Variants in CNTNAP2 observed in about 807,000 individuals in gnomAD.
CNTNAP2 encodes the protein contactin associated protein 2.
Under a neutral mutation model 155.2 loss-of-function variants are expected in CNTNAP2, and 98 were observed. The observed-to-expected ratio is 0.63, with a 90% CI of 0.54 to 0.75. The LOEUF (loss-of-function observed/expected upper bound fraction) is 0.75. CNTNAP2 is among the 30% of genes least tolerant of loss of function. The probability of loss-of-function intolerance (pLI) is 0.00; values close to 1 mark genes in which losing one functional copy is unlikely to be tolerated. For synonymous variants in CNTNAP2, 651 were observed against 631.2 expected (o/e 1.03, Z -0.47); for missense variants, 1,727 against 1,688.1 (o/e 1.02, Z -0.40).
intron 11 of CNTNAP2, among the ~76,000 whole-genome samples, chr7:147,559,185 A>G (rs1174816135): frequency 6.6e-6 from 1 of 152,106 alleles, no homozygotes; most frequent in Admixed American, 6.5e-5. Flanking sequence ...CTAATTGTTA[A>G]CTCTGACTGA....
At chr7:146,969,116 C>T (rs1263902513) in intron 3 of CNTNAP2, among the ~76,000 whole-genome samples, 9 of 150,768 alleles carry the variant, frequency 6.0e-5, no homozygotes, top group African/African-American at 1.7e-4. Flanking sequence ...TGTAGTTGAG[C>T]GGTTTTGAGT....
chr7:148,112,060 C>G (rs1483341957), intron 15 of CNTNAP2, among the ~76,000 whole-genome samples: 2 of 152,040 alleles, frequency 1.3e-5, no homozygotes, highest in African/African-American at 4.8e-5. Context: ...CAGGTGGGAA[C>G]AGAGGAAAGA....
chr7:147,085,280 C>T (rs928151155), intron 4 of CNTNAP2, among the ~76,000 whole-genome samples: 5 of 152,078 alleles, frequency 3.3e-5, no homozygotes, highest in Non-Finnish European at 5.9e-5. Flanking sequence ...CTCCAGGCCA[C>T]GGACCTATAC....
chr7:147,794,720 A>G (rs936448968), intron 13 of CNTNAP2, among the ~76,000 whole-genome samples: 4 of 150,914 alleles, frequency 2.7e-5, no homozygotes, highest in African/African-American at 7.3e-5. Flanking sequence ...TGAAGCTTGT[A>G]CTTTTCTTTA....
chr7:146,481,310 T>G (rs977058440), intron 1 of CNTNAP2, among the ~76,000 whole-genome samples: 24 of 152,228 alleles, frequency 1.6e-4, no homozygotes, highest in African/African-American at 5.5e-4. Context: ...GGGTAATATC[T>G]GTGCATACAG....
At position 147,469,541 on chromosome 7, in the gene CNTNAP2, C is replaced by G. The variant is rs1165367835; in HGVS notation, c.1671-16394C>G. ...TTTTTTTTTTTTTTTTTCTGTGAGA[C>G]AAAGTCTCGCTCTGCCGCCCAGGCT... On this transcript the variant is annotated intron_variant, in intron 10 of 23. Transcript: ENST00000361727. 4.2e-4 allele frequency among the ~76,000 whole-genome samples: 17 copies of G among 40,834 alleles called. 3 individuals carry two copies. Among genetic ancestry groups the G allele is most frequent in the South Asian group, 1.4e-3 (1 of 720 alleles). The allele number at this position is 40,834 out of a possible 152,430, so 26.8% of individuals were successfully genotyped here.
intron 8 of CNTNAP2, among the ~76,000 whole-genome samples, chr7:147,274,781 T>C (rs142810065): frequency 5.8e-4 from 89 of 152,240 alleles, no homozygotes; most frequent in Admixed American, 1.1e-3. Flanking sequence ...TCCTAGGATA[T>C]TTCATGTTTT....
At chr7:146,453,914 C>CA (rs1796517933) in intron 1 of CNTNAP2, among the ~76,000 whole-genome samples, 1 of 151,844 alleles carries the variant, frequency 6.6e-6, no homozygotes, top group Admixed American at 6.6e-5. Flanking sequence ...AGCTATGGGG[C>CA]AACTTGGGGT....
intron 14 of CNTNAP2, among the ~76,000 whole-genome samples, chr7:147,948,699 C>A (rs2116826210): frequency 6.6e-6 from 1 of 150,506 alleles, no homozygotes; most frequent in Non-Finnish European, 1.5e-5. Context: ...ACAGTTGACC[C>A]TTGGACAATG....
chr7:147,416,288 A>G (rs983963423), intron 10 of CNTNAP2, among the ~76,000 whole-genome samples: 2 of 152,222 alleles, frequency 1.3e-5, no homozygotes, highest in African/African-American at 4.8e-5. Flanking sequence ...ATGCGTGATC[A>G]TGAGCAGCTT....
Position 147,185,790 on chromosome 7 carries a change from G to T in CNTNAP2, c.1348+53281G>T, listed in dbSNP as rs543129687. Among the ~76,000 whole-genome samples the T allele has an allele frequency of 2.6e-5, 4 of 152,250 alleles. No homozygotes were observed. In the East Asian group the frequency reaches 7.7e-4, roughly 29 times the overall value. ...CCCATAATTCCCATGTGTCGAGGGAGGTACCTGGTGGGAGGTAATTGAATC... is the reference window on the plus strand; with the variant it reads ...CCCATAATTCCCATGTGTCGAGGGATGTACCTGGTGGGAGGTAATTGAATC... On this transcript the variant is annotated intron_variant, in intron 8 of 23. Coordinates refer to ENST00000361727, the MANE Select transcript of CNTNAP2 (RefSeq NM_014141.6).
At chr7:147,520,716 G>C (rs1000154549) in intron 11 of CNTNAP2, among the ~76,000 whole-genome samples, 2 of 152,176 alleles carry the variant, frequency 1.3e-5, no homozygotes, top group Non-Finnish European at 2.9e-5. Context: ...AGAAAAGTTA[G>C]AACCTTTCTA....
Position 147,098,080 on chromosome 7 carries a change from G to C in CNTNAP2, c.551-10067G>C, listed in dbSNP as rs1481814804. Among the ~76,000 whole-genome samples, 4 of 152,236 alleles carry C rather than the reference G, an allele frequency of 2.6e-5. No individual in the cohort carries two copies. In the East Asian group the frequency reaches 7.8e-4, roughly 30 times the overall value. ...TTCTGAATTCTGGCTTTGCGTAACT[G>C]TTGCCAACACTGTAAGAACATCAGC... On this transcript the variant is annotated intron_variant, in intron 4 of 23. Transcript: ENST00000361727.
At chr7:146,382,558 C>T (rs1199671175) in intron 1 of CNTNAP2, among the ~76,000 whole-genome samples, 3 of 152,086 alleles carry the variant, frequency 2.0e-5, no homozygotes, top group African/African-American at 7.2e-5. Context: ...TTATAAAGTA[C>T]ATATAATTAC....
At chr7:148,343,979 A>G (rs1798277783) in intron 21 of CNTNAP2, among the ~76,000 whole-genome samples, 2 of 152,202 alleles carry the variant, frequency 1.3e-5, no homozygotes, top group African/African-American at 4.8e-5. Flanking sequence ...AACTGCATGT[A>G]GCCTGAGGGC....
At chr7:146,303,110 G>A (rs900706202) in intron 1 of CNTNAP2, among the ~76,000 whole-genome samples, 43 of 149,462 alleles carry the variant, frequency 2.9e-4, no homozygotes, top group Middle Eastern at 3.2e-3. Flanking sequence ...GTGTGTGTGC[G>A]CATGCATACA....
chr7:147,883,487 A>G (rs1799555751), intron 13 of CNTNAP2, among the ~76,000 whole-genome samples: 1 of 152,240 alleles, frequency 6.6e-6, no homozygotes, highest in Admixed American at 6.5e-5. Context: ...TTTGAAAGAT[A>G]AGCCCAATTA....
intron 11 of CNTNAP2, among the ~76,000 whole-genome samples, chr7:147,520,361 G>A (rs1469689815): frequency 2.0e-5 from 3 of 152,152 alleles, no homozygotes; most frequent in Non-Finnish European, 4.4e-5. Context: ...AGAGCAAGAG[G>A]TGGTTCCTAC....
chr7:146,137,223 G>A (rs926833898), intron 1 of CNTNAP2, among the ~76,000 whole-genome samples: 4 of 151,992 alleles, frequency 2.6e-5, no homozygotes, highest in African/African-American at 9.7e-5. Flanking sequence ...CTGAAACTTT[G>A]TTCTCTCTTG....
Sources: allele counts gnomAD v4.1 joint callset (sites outside exome capture counted in the v4.1 genomes callset), GRCh38; gene constraint gnomAD v4.1.1; transcripts MANE v1.5; gene names NCBI Gene and HGNC (gene_info 2026-07-23, HGNC 2026-07-21).